CCDC73: variants seen among roughly 807,000 people sequenced by gnomAD.
The protein encoded by CCDC73 is coiled-coil domain-containing protein 73.
A neutral mutation model predicts 116.5 loss-of-function variants in CCDC73; 95 were observed. That is an observed-to-expected ratio of 0.82 (90% CI 0.69 to 0.97). The LOEUF (loss-of-function observed/expected upper bound fraction) is 0.97, where lower values mean the gene tolerates loss of function less well. CCDC73 is among the 50% of genes least tolerant of loss of function. The pLI, the probability that CCDC73 is intolerant of heterozygous loss-of-function variation, is 0.00. For synonymous variants in CCDC73, 398 were observed against 401.3 expected (o/e 0.99, Z 0.10); for missense variants, 1,066 against 1,206.8 (o/e 0.88, Z 1.73).
chr11:32,603,003 C>G lies in CCDC73; in HGVS notation c.3048G>C (p.Leu1016=), dbSNP rs1306196353. 2 of 1,597,732 alleles carry G rather than the reference C, an allele frequency of 1.3e-6. No individual in the cohort carries two copies. The highest frequency in any genetic ancestry group is 3.6e-5 in the Admixed American group (2 of 55,104). Residue 1016 remains leucine (L), a synonymous_variant, in exon 18 of 18, where the codon CTG becomes CTC. Coordinates refer to ENST00000335185, the MANE Select transcript of CCDC73 (RefSeq NM_001008391.4). The part of the protein sequence containing the change: ...FPTEHVKTKP[L]ISTPLQSHLQ... ...AATGGCTTTGTAGTGGAGTTGATAT[C>G]AGAGGCTTTGTTTTCACCTGGGAAA...
At chr11:32,663,124 T>A (rs1356689254) in intron 9 of CCDC73, among the ~76,000 whole-genome samples, 1 of 152,268 alleles carries the variant, frequency 6.6e-6, no homozygotes, top group Non-Finnish European at 1.5e-5. Context: ...GGTAGTGTGA[T>A]GCCTCCAGCT....
At chr11:32,795,193 G>A (rs1407428859), upstream of CCDC73, among the ~76,000 whole-genome samples, 1 of 152,188 alleles carries the variant, frequency 6.6e-6, no homozygotes, top group African/African-American at 2.4e-5. Context: ...GGGTGTGAGG[G>A]TTCACTGGCT....
chr11:32,765,852 A>C, intron 1 of CCDC73, among the ~76,000 whole-genome samples: 1 of 152,222 alleles, frequency 6.6e-6, no homozygotes, highest in East Asian at 1.9e-4. Flanking sequence ...GACCAGATGG[A>C]TTCACAGCCG....
At chr11:32,779,706 T>TAA (rs1333614752) in intron 1 of CCDC73, among the ~76,000 whole-genome samples, 1 of 152,234 alleles carries the variant, frequency 6.6e-6, no homozygotes, top group African/African-American at 2.4e-5. Flanking sequence ...AGACGCACAG[T>TAA]TCAACAAGAG....
intron 13 of CCDC73, among the ~76,000 whole-genome samples, chr11:32,639,162 C>CCG (rs1554962355): frequency 6.6e-6 from 1 of 151,500 alleles, no homozygotes; most frequent in Non-Finnish European, 1.5e-5. Flanking sequence ...GACACCCCCC[C>CCG]CAAAAAATCC....
intron 14 of CCDC73, among the ~76,000 whole-genome samples, chr11:32,617,298 T>C (rs995241841): frequency 6.6e-6 from 1 of 152,074 alleles, no homozygotes; most frequent in East Asian, 1.9e-4. Context: ...ACAAAAAAAA[T>C]GGACTAACAT....
chr11:32,829,864 T>A, the CCDC73 span: 2 of 985,484 alleles, frequency 2.0e-6, no homozygotes, highest in Non-Finnish European at 2.4e-6. Flanking sequence ...TCGCCGCAGG[T>A]AGGCCCGGCC....
At chr11:32,703,927 G>A (rs1360999195) in intron 3 of CCDC73, among the ~76,000 whole-genome samples, 2 of 152,190 alleles carry the variant, frequency 1.3e-5, no homozygotes, top group Non-Finnish European at 2.9e-5. Flanking sequence ...TTTTTCTGTT[G>A]TTTGCTCCAG....
chr11:32,623,958 G>C (rs1257034757), intron 14 of CCDC73, among the ~76,000 whole-genome samples: 1 of 152,088 alleles, frequency 6.6e-6, no homozygotes, highest in Non-Finnish European at 1.5e-5. Context: ...GAAGGCTAGA[G>C]AAGACAGGTA....
intron 2 of CCDC73, among the ~76,000 whole-genome samples, chr11:32,758,926 C>T (rs957395787): frequency 1.3e-5 from 2 of 151,924 alleles, no homozygotes; most frequent in African/African-American, 4.8e-5. Context: ...TAATAAGTAG[C>T]TTTAAATAGG....
At chr11:32,778,648 C>T (rs974805299) in intron 1 of CCDC73, among the ~76,000 whole-genome samples, 5 of 151,930 alleles carry the variant, frequency 3.3e-5, no homozygotes, top group African/African-American at 1.2e-4. Context: ...CCCGTCTCTA[C>T]TAAAAATACA....
intron 2 of CCDC73, among the ~76,000 whole-genome samples, chr11:32,755,579 ATATATGTG>A (rs1472352719): frequency 9.2e-6 from 1 of 108,814 alleles, no homozygotes; most frequent in African/African-American, 3.4e-5. Context: ...ATATATCCAT[ATATATGTG>A]TGTATATATA....
intron 17 of CCDC73, among the ~76,000 whole-genome samples, chr11:32,607,559 T>C (rs1023943423): frequency 2.6e-5 from 4 of 152,240 alleles, no homozygotes; most frequent in Admixed American, 1.3e-4. Flanking sequence ...GGATTCACCC[T>C]AATTAGAAAT....
chr11:32,674,626 T>C (rs988323710), intron 9 of CCDC73, among the ~76,000 whole-genome samples: 5 of 146,118 alleles, frequency 3.4e-5, no homozygotes, highest in East Asian at 2.1e-4. Context: ...GGCATCCACA[T>C]TGTCAGGTTC....
the CCDC73 span, among the ~76,000 whole-genome samples, chr11:32,827,897 T>C: frequency 6.6e-6 from 1 of 152,200 alleles, no homozygotes; most frequent in Non-Finnish European, 1.5e-5. Context: ...ATGGGTGTTC[T>C]AGTGAAAATG....
chr11:32,657,474 C>A (rs1024122570), intron 9 of CCDC73, among the ~76,000 whole-genome samples: 7 of 152,094 alleles, frequency 4.6e-5, no homozygotes, highest in African/African-American at 1.7e-4. Context: ...TTGAGCTGGG[C>A]CTTGAAGAAT....
At chr11:32,781,353 TG>T (rs1194264260) in intron 1 of CCDC73, among the ~76,000 whole-genome samples, 1 of 152,204 alleles carries the variant, frequency 6.6e-6, no homozygotes, top group Non-Finnish European at 1.5e-5. Context: ...AATAAAACTC[TG>T]TTTTTTGGCA....
chr11:32,807,163 C>A, the CCDC73 span, among the ~76,000 whole-genome samples: 1 of 152,198 alleles, frequency 6.6e-6, no homozygotes, highest in Non-Finnish European at 1.5e-5. Flanking sequence ...ACAAGAAGCA[C>A]TGCACTTTGG....
chr11:32,697,027 A>C (rs531286861), intron 6 of CCDC73, among the ~76,000 whole-genome samples: 1 of 147,108 alleles, frequency 6.8e-6, no homozygotes, highest in African/African-American at 2.5e-5. Flanking sequence ...TAGAGACAGG[A>C]TCTCCCTATG....
Sources: allele counts gnomAD v4.1 joint callset (sites outside exome capture counted in the v4.1 genomes callset), GRCh38; gene constraint gnomAD v4.1.1; transcripts MANE v1.5; gene names NCBI Gene and HGNC (gene_info 2026-07-23, HGNC 2026-07-21).